The following PDZK1 variants were observed in gnomAD, a reference collection of about 807,000 sequenced individuals.
The protein encoded by PDZK1 is Na(+)/H(+) exchange regulatory cofactor NHE-RF3.
In PDZK1, 23 loss-of-function variants were observed where a neutral mutation model predicts 38.1. The ratio of observed to expected loss-of-function variants is 0.60; its 90% confidence interval spans 0.43 to 0.85. The LOEUF (loss-of-function observed/expected upper bound fraction) is 0.85. Among genes scored for constraint, PDZK1 ranks in the 40% least tolerant of loss-of-function variants. PDZK1 has a pLI of 0.00. For synonymous variants in PDZK1, 98 were observed against 186.2 expected (o/e 0.53, Z 3.86); for missense variants, 297 against 504.3 (o/e 0.59, Z 3.94).
At chr1:145,675,243 T>A (rs1391000102) in intron 6 of PDZK1, among the ~76,000 whole-genome samples, 2 of 147,944 alleles carry the variant, frequency 1.4e-5, no homozygotes, top group East Asian at 3.9e-4. Context: ...AACTGGCTGT[T>A]TTAGTTGAGA....
intron 3 of PDZK1, among the ~76,000 whole-genome samples, chr1:145,684,516 TA>T (rs1654579997): frequency 6.6e-6 from 1 of 152,112 alleles, no homozygotes; most frequent in African/African-American, 2.4e-5. Flanking sequence ...CCTGAGCTAT[TA>T]TTTTTTATTG....
At chr1:145,703,893 A>T (rs1480591043) in intron 1 of PDZK1, among the ~76,000 whole-genome samples, 2 of 151,480 alleles carry the variant, frequency 1.3e-5, no homozygotes, top group Non-Finnish European at 2.9e-5. Flanking sequence ...CAGTGGTGCG[A>T]TCTCGGCTCA....
intron 1 of PDZK1, among the ~76,000 whole-genome samples, chr1:145,703,785 G>A (rs1656099383): frequency 6.6e-6 from 1 of 152,014 alleles, no homozygotes; most frequent in African/African-American, 2.4e-5. Flanking sequence ...AGACTATAGA[G>A]GAGCTTCAGG....
intron 1 of PDZK1, among the ~76,000 whole-genome samples, chr1:145,690,381 A>G (rs1325467098): frequency 1.3e-5 from 2 of 152,230 alleles, no homozygotes; most frequent in Non-Finnish European, 2.9e-5. Context: ...CGAGGTCTCA[A>G]TGTACTTTAC....
At chr1:145,685,363 T>C (rs1654660562) in intron 3 of PDZK1, among the ~76,000 whole-genome samples, 1 of 152,242 alleles carries the variant, frequency 6.6e-6, no homozygotes, top group South Asian at 2.1e-4. Context: ...ATATTTGTCA[T>C]GAAGAGACCA....
At chr1:145,682,147 G>A (rs1462263992) in intron 4 of PDZK1, among the ~76,000 whole-genome samples, 1 of 32,578 alleles carries the variant, frequency 3.1e-5, no homozygotes, top group Non-Finnish European at 5.0e-5. Context: ...GGCCGAGACT[G>A]CAATGAGCCG....
intron 8 of PDZK1, among the ~76,000 whole-genome samples, chr1:145,672,270 G>A (rs1653147755): frequency 6.6e-6 from 1 of 151,724 alleles, no homozygotes; most frequent in Admixed American, 6.6e-5. Context: ...CTCACTATGA[G>A]CCAGCCACTA....
At chr1:145,679,795 A>C (rs1654056145) in intron 5 of PDZK1, among the ~76,000 whole-genome samples, 1 of 152,162 alleles carries the variant, frequency 6.6e-6, no homozygotes, top group Non-Finnish European at 1.5e-5. Flanking sequence ...CTGCTCAAAA[A>C]ACAACTCCCC....
chr1:145,703,085 G>A (rs1440655120), intron 1 of PDZK1, among the ~76,000 whole-genome samples: 2 of 152,134 alleles, frequency 1.3e-5, no homozygotes, highest in African/African-American at 2.4e-5. Context: ...CCAAGTGAAC[G>A]AATTTAAGAC....
chr1:145,699,470 C>G (rs1655831408), intron 1 of PDZK1, among the ~76,000 whole-genome samples: 1 of 152,056 alleles, frequency 6.6e-6, no homozygotes. Flanking sequence ...TTACAAGGGG[C>G]ACAGAGCTGG....
rs587659136 is a variant in PDZK1, at chr1:145,671,369, A to G, written c.*67T>C. On this transcript the variant is annotated 3_prime_UTR_variant, in exon 9 of 9. Coordinates refer to ENST00000417171, the MANE Select transcript of PDZK1 (RefSeq NM_001201325.2). ...AACAGGTCACAACTCATTCCTTGAG[A>G]AAGGATTCCTATTAAATACCCAGAA... The G allele has an allele frequency of 1.5e-4, 242 of 1,606,494 alleles. 1 individual carries two copies. The South Asian group carries it at 2.5e-3, about 17-fold the overall frequency.
chr1:145,672,453 C>T (rs1653167305), intron 8 of PDZK1, among the ~76,000 whole-genome samples: 1 of 150,524 alleles, frequency 6.6e-6, no homozygotes, highest in African/African-American at 2.5e-5. Flanking sequence ...GATTCAGGCT[C>T]TTTTGGGGGT....
At chr1:145,700,274 G>A (rs1210270930) in intron 1 of PDZK1, among the ~76,000 whole-genome samples, 1 of 152,144 alleles carries the variant, frequency 6.6e-6, no homozygotes, top group African/African-American at 2.4e-5. Context: ...AAAGTATCCT[G>A]TAAGTCTAAA....
chr1:145,672,119 A>G (rs1172416274), intron 8 of PDZK1, among the ~76,000 whole-genome samples: 1 of 152,216 alleles, frequency 6.6e-6, no homozygotes, highest in Non-Finnish European at 1.5e-5. Context: ...GGGCAAAAAT[A>G]TAAAACTGAG....
chr1:145,686,934 A>G (rs1553701912), intron 2 of PDZK1, among the ~76,000 whole-genome samples: 1 of 152,010 alleles, frequency 6.6e-6, no homozygotes, highest in Non-Finnish European at 1.5e-5. Context: ...GCACTGCTGG[A>G]ATATAGAGTG....
chr1:145,702,059 T>C (rs1655988778), intron 1 of PDZK1, among the ~76,000 whole-genome samples: 1 of 152,170 alleles, frequency 6.6e-6, no homozygotes, highest in Admixed American at 6.5e-5. Context: ...CAGGGATAAA[T>C]TTCAAATATG....
rs1240178933 is a variant in PDZK1 at position 145,672,443 on chromosome 1, G to A, written c.1506+287C>T. ...ACCAGAATTCATATCTAGATCATCC[G>A]ATTCAGGCTCTTTTGGGGGTTCCCA... On this transcript the variant is annotated intron_variant, in intron 8 of 8. Coordinates refer to ENST00000417171, the MANE Select transcript of PDZK1 (RefSeq NM_001201325.2). 7.3e-5 allele frequency among the ~76,000 whole-genome samples: 11 copies of A among 150,312 alleles called. 1 individual carries two copies. Among genetic ancestry groups the A allele is most frequent in the East Asian group, 2.0e-4 (1 of 5,118 alleles).
At chr1:145,694,512 A>G (rs1553703829) in intron 1 of PDZK1, among the ~76,000 whole-genome samples, 1 of 152,220 alleles carries the variant, frequency 6.6e-6, no homozygotes, top group Non-Finnish European at 1.5e-5. Context: ...CTTATATGCA[A>G]AACACTGTCA....
chr1:145,693,697 C>T (rs1553703728), intron 1 of PDZK1, among the ~76,000 whole-genome samples: 1 of 151,864 alleles, frequency 6.6e-6, no homozygotes, highest in East Asian at 1.9e-4. Context: ...TGGCGTGAAC[C>T]CGGAAGGCGG....
Sources: gnomAD v4.1 joint callset for allele counts (sites outside exome capture counted in the v4.1 genomes callset) on GRCh38, gnomAD v4.1.1 for gene constraint, MANE v1.5 for transcripts, NCBI Gene and HGNC (gene_info 2026-07-23, HGNC 2026-07-21) for gene names.